The following LINGO1 variants were observed in gnomAD, a reference collection of about 807,000 sequenced individuals.
LINGO1 encodes leucine rich repeat and Ig domain containing 1.
Under a neutral mutation model 37.3 loss-of-function variants are expected in LINGO1, and 11 were observed. The observed-to-expected ratio is 0.29, with a 90% CI of 0.19 to 0.49. The LOEUF is 0.49. LINGO1 is among the 20% of genes least tolerant of loss of function. LINGO1 has a pLI of 0.99. For synonymous variants in LINGO1, 387 were observed against 403.0 expected (o/e 0.96, Z 0.48); for missense variants, 585 against 878.2 (o/e 0.67, Z 4.22).
intron 3 of LINGO1, chr15:77,651,462 CAACCGA>C (rs956772559): frequency 2.6e-5 from 4 of 152,238 alleles, no homozygotes; most frequent in African/African-American, 9.6e-5. Flanking sequence ...GAGCTTCTGG[CAACCGA>C]AATCTGGAAA....
intron 2 of LINGO1, among the ~76,000 whole-genome samples, chr15:77,703,066 T>C (rs1344300611): frequency 6.6e-6 from 1 of 152,208 alleles, no homozygotes; most frequent in African/African-American, 2.4e-5. Flanking sequence ...TTTGCCTTAC[T>C]GAGCTTCAGA....
At chr15:77,762,767 C>A (rs574178382) in intron 1 of LINGO1, among the ~76,000 whole-genome samples, 31 of 152,318 alleles carry the variant, frequency 2.0e-4, no homozygotes, top group African/African-American at 6.0e-4. Flanking sequence ...ACCCACCACC[C>A]GAGAGACAAA....
chr15:77,798,621 C>T (rs1006446218), intron 1 of LINGO1, among the ~76,000 whole-genome samples: 1 of 152,218 alleles, frequency 6.6e-6, no homozygotes, highest in African/African-American at 2.4e-5. Flanking sequence ...GGGCACTCTC[C>T]TGGACACGAG....
At chr15:77,800,720 A>C (rs1034919119) in intron 1 of LINGO1, among the ~76,000 whole-genome samples, 15 of 152,384 alleles carry the variant, frequency 9.8e-5, no homozygotes, top group Middle Eastern at 3.4e-3. Context: ...ACTACTGTAC[A>C]TAAACGTGTA....
Position 77,802,433 on chromosome 15 carries a change from T to G in LINGO1, c.-457-6380A>C, listed in dbSNP as rs79895155. ...GTTCCCCCAAGGTGTGTGTGTGTGTTTGTGTGTATGTTAGGAGGTATAGGC... is the reference window on the plus strand; with the variant it reads ...GTTCCCCCAAGGTGTGTGTGTGTGTGTGTGTGTATGTTAGGAGGTATAGGC... On this transcript the variant is annotated intron_variant, in intron 1 of 5. Coordinates refer to the LINGO1 transcript ENST00000562933. 9.4e-4 allele frequency among the ~76,000 whole-genome samples: 142 copies of G among 151,820 alleles called. 1 individual carries two copies. Among genetic ancestry groups the G allele is most frequent in the African/African-American group, 3.2e-3 (132 of 41,380 alleles).
At chr15:77,743,729 G>C (rs1287695480) in intron 1 of LINGO1, among the ~76,000 whole-genome samples, 3 of 152,248 alleles carry the variant, frequency 2.0e-5, no homozygotes, top group East Asian at 1.9e-4. Flanking sequence ...GGGCGCAGGA[G>C]GGATGCTGAA....
chr15:77,794,482 A>G (rs2076851709), intron 2 of LINGO1, among the ~76,000 whole-genome samples: 1 of 121,406 alleles, frequency 8.2e-6, no homozygotes, highest in East Asian at 2.2e-4. Context: ...ATATGTATAT[A>G]CATACATATA....
intron 3 of LINGO1, among the ~76,000 whole-genome samples, chr15:77,658,209 C>T (rs1452295868): frequency 6.6e-6 from 1 of 152,242 alleles, no homozygotes; most frequent in Non-Finnish European, 1.5e-5. Context: ...CAGCCCTTCA[C>T]ACCGAGCTGG....
Position 77,615,094 on chromosome 15 carries a change from T to A in LINGO1, c.813A>T (p.Thr271=), listed in dbSNP as rs2073658265. 6.2e-7 allele frequency: 1 copy of A among 1,613,698 alleles called. No individual in the cohort carries two copies. Among genetic ancestry groups the A allele is most frequent in the South Asian group, 1.1e-5 (1 of 91,058 alleles). The change falls in exon 2 of 2, where the codon ACA becomes ACT. Residue 271 remains threonine (T), a synonymous_variant. Coordinates refer to ENST00000355300, the MANE Select transcript of LINGO1 (RefSeq NM_032808.7). ...YGLNLTSLSI[T]HCNLTAVPYL... ...AGGGCACAGCGGTCAGATTGCAGTG[T>A]GTGATGGACAGGGACGTCAGGTTGA... is the stretch of plus-strand genomic sequence containing the variant.
intron 3 of LINGO1, among the ~76,000 whole-genome samples, chr15:77,659,892 C>T (rs1179211814): frequency 1.3e-5 from 2 of 152,176 alleles, no homozygotes; most frequent in Admixed American, 6.5e-5. Context: ...TGCCTAGCCT[C>T]CTCCAGCAGA....
intron 3 of LINGO1, among the ~76,000 whole-genome samples, chr15:77,664,170 T>TGTGTGTGCGCGCGC: frequency 4.2e-4 from 55 of 131,004 alleles, no homozygotes; most frequent in African/African-American, 1.9e-3. Context: ...TGTGTGTGTG[T>TGTGTGTGCGCGCGC]GCGCGCGCGC....
chr15:77,777,296 C>A (rs1003502196), intron 1 of LINGO1, among the ~76,000 whole-genome samples: 2 of 152,026 alleles, frequency 1.3e-5, no homozygotes, highest in Non-Finnish European at 2.9e-5. Flanking sequence ...TGTAGGCCTT[C>A]TGACTTCACA....
At chr15:77,817,094 G>C (rs2077054653) in intron 1 of LINGO1, among the ~76,000 whole-genome samples, 1 of 152,210 alleles carries the variant, frequency 6.6e-6, no homozygotes, top group East Asian at 1.9e-4. Context: ...GCCAGCAAAG[G>C]CTGAGGAGGC....
chr15:77,769,217 A>G (rs1011609839), intron 1 of LINGO1, among the ~76,000 whole-genome samples: 12 of 152,248 alleles, frequency 7.9e-5, no homozygotes, highest in African/African-American at 2.9e-4. Flanking sequence ...TAAAGGCAGC[A>G]AAGGCCTCCA....
At chr15:77,730,911 T>C (rs944582638) in intron 2 of LINGO1, among the ~76,000 whole-genome samples, 1 of 152,216 alleles carries the variant, frequency 6.6e-6, no homozygotes, top group African/African-American at 2.4e-5. Flanking sequence ...GTCCTGGGAC[T>C]GCCCACTGAG....
intron 1 of LINGO1, among the ~76,000 whole-genome samples, chr15:77,774,214 T>C (rs1265813685): frequency 6.6e-6 from 1 of 151,908 alleles, no homozygotes; most frequent in Non-Finnish European, 1.5e-5. Flanking sequence ...TTAACTCAGA[T>C]CCACAGGTGA....
intron 3 of LINGO1, chr15:77,666,969 G>T (rs1479659218): frequency 1.3e-5 from 2 of 152,260 alleles, no homozygotes; most frequent in African/African-American, 4.8e-5. Context: ...GGAATGAAAA[G>T]ATCTAAAGAA....
chr15:77,685,756 T>A (rs2075498736), intron 2 of LINGO1, among the ~76,000 whole-genome samples: 2 of 150,354 alleles, frequency 1.3e-5, no homozygotes, highest in South Asian at 4.2e-4. Flanking sequence ...GAGGCTGAAG[T>A]GGGAGAATAA....
upstream of LINGO1, among the ~76,000 whole-genome samples, chr15:77,635,103 T>A (rs993220498): frequency 3.3e-5 from 5 of 152,106 alleles, no homozygotes; most frequent in African/African-American, 1.2e-4. Context: ...GGGTGGGGTA[T>A]TTTGGTGCCC....
Sources: gnomAD v4.1 joint callset for allele counts (sites outside exome capture counted in the v4.1 genomes callset) on GRCh38, gnomAD v4.1.1 for gene constraint, MANE v1.5 for transcripts, NCBI Gene and HGNC (gene_info 2026-07-23, HGNC 2026-07-21) for gene names.